The following PIGK variants were observed in gnomAD, a reference collection of about 807,000 sequenced individuals.
The protein encoded by PIGK is GPI-anchor transamidase.
A neutral mutation model predicts 50.6 loss-of-function variants in PIGK; 42 were observed. The ratio of observed to expected loss-of-function variants is 0.83; its 90% CI spans 0.65 to 1.07. PIGK has a LOEUF of 1.07. Ranked by LOEUF, PIGK falls within the 50% of genes least tolerant of loss-of-function variation. The probability of loss-of-function intolerance (pLI) is 0.00; values close to 1 mark genes in which losing one functional copy is unlikely to be tolerated. For synonymous variants in PIGK, 151 were observed against 156.0 expected, an observed-to-expected ratio of 0.97 and a Z score of 0.24; for missense variants, 448 against 488.7, an observed-to-expected ratio of 0.92 and a Z score of 0.78.
Position 77,089,214 on chromosome 1 carries a change from T to C in PIGK, c.*3160A>G, listed in dbSNP as rs1470906239. 6.6e-6 allele frequency: 1 copy of C among 152,184 alleles called. No homozygotes were observed. The highest frequency in any genetic ancestry group is 1.5e-5 in the Non-Finnish European group (1 of 68,034). The allele number at this position is 152,184 out of a possible 1,614,324, so 9.4% of individuals were successfully genotyped here. A position where few individuals can be genotyped will look rare whatever the true frequency, so the allele number is the denominator to read the frequency against. Reference sequence around the variant, plus strand: ...TTCCTATTTAAGTAGCAGGTACATGTGTAAATAGGGCAGGCAGCAACAGAA... The same window carrying C: ...TTCCTATTTAAGTAGCAGGTACATGCGTAAATAGGGCAGGCAGCAACAGAA... On this transcript the variant is annotated 3_prime_UTR_variant, in exon 11 of 11. Coordinates refer to ENST00000370812, the MANE Select transcript of PIGK (RefSeq NM_005482.3).
At chr1:77,121,481 T>G (rs1292942070) in intron 10 of PIGK, among the ~76,000 whole-genome samples, 1 of 152,118 alleles carries the variant, frequency 6.6e-6, no homozygotes, top group Non-Finnish European at 1.5e-5. Context: ...TCAATACATA[T>G]CAGCTAAATA....
At chr1:77,172,242 T>G (rs934005963) in intron 3 of PIGK, among the ~76,000 whole-genome samples, 1 of 152,146 alleles carries the variant, frequency 6.6e-6, no homozygotes, top group Non-Finnish European at 1.5e-5. Context: ...CCTGTAACAA[T>G]GACTGAGTCT....
At chr1:77,111,859 T>C (rs888513106) in intron 10 of PIGK, among the ~76,000 whole-genome samples, 4 of 152,114 alleles carry the variant, frequency 2.6e-5, no homozygotes, top group African/African-American at 9.6e-5. Flanking sequence ...AACACCTTAG[T>C]AAATCAAAAC....
intron 3 of PIGK, among the ~76,000 whole-genome samples, chr1:77,189,598 A>G (rs1024754977): frequency 9.9e-5 from 15 of 151,164 alleles, no homozygotes; most frequent in Non-Finnish European, 4.4e-5. Flanking sequence ...TTGGACTCCA[A>G]GTTTCAGTTT....
intron 9 of PIGK, chr1:77,153,652 G>C (rs1654943205): frequency 6.6e-6 from 1 of 151,760 alleles, no homozygotes; most frequent in Non-Finnish European, 1.5e-5. Context: ...AGAAACTGTT[G>C]TAACTAGAAT....
chr1:77,195,888 A>G (rs1282630332), intron 3 of PIGK, among the ~76,000 whole-genome samples: 3 of 152,098 alleles, frequency 2.0e-5, no homozygotes, highest in South Asian at 2.1e-4. Flanking sequence ...ACATGGGTAT[A>G]TTGTGTAATG....
chr1:77,158,699 C>T (rs1421147204), intron 8 of PIGK, among the ~76,000 whole-genome samples: 2 of 152,004 alleles, frequency 1.3e-5, no homozygotes, highest in Non-Finnish European at 2.9e-5. Flanking sequence ...TGTGGAACTT[C>T]GAAATTGAGG....
chr1:77,112,626 G>GT (rs1293099725), intron 10 of PIGK, among the ~76,000 whole-genome samples: 1 of 151,942 alleles, frequency 6.6e-6, no homozygotes, highest in African/African-American at 2.4e-5. Flanking sequence ...TTATTACGTT[G>GT]TAAGTCAAAA....
chr1:77,145,055 T>G (rs567122639), intron 9 of PIGK, among the ~76,000 whole-genome samples: 1 of 152,076 alleles, frequency 6.6e-6, no homozygotes, highest in South Asian at 2.1e-4. Flanking sequence ...AATTTTTGGT[T>G]CATAAAGTTT....
chr1:77,174,626 C>T (rs1222102908), intron 3 of PIGK, among the ~76,000 whole-genome samples: 1 of 152,140 alleles, frequency 6.6e-6, no homozygotes, highest in Non-Finnish European at 1.5e-5. Flanking sequence ...AGAAAGCATG[C>T]TCTTGGCCAC....
intron 3 of PIGK, among the ~76,000 whole-genome samples, chr1:77,178,621 T>G (rs114792303): frequency 0.013 from 1,932 of 152,286 alleles, 41 homozygotes; most frequent in African/African-American, 0.044. Context: ...GCTCATTCTT[T>G]AATCTATTTG....
At chr1:77,189,311 G>A (rs375745448) in intron 3 of PIGK, among the ~76,000 whole-genome samples, 1 of 152,134 alleles carries the variant, frequency 6.6e-6, no homozygotes, top group African/African-American at 2.4e-5. Flanking sequence ...GTTGACAAGG[G>A]ATAGACTTGT....
At chr1:77,165,562 C>A in intron 5 of PIGK, among the ~76,000 whole-genome samples, 1 of 150,786 alleles carries the variant, frequency 6.6e-6, no homozygotes, top group Admixed American at 6.6e-5. Flanking sequence ...TGATTAACAT[C>A]CATATTTACC....
At chr1:77,176,112 G>T (rs1655483441) in intron 3 of PIGK, among the ~76,000 whole-genome samples, 1 of 152,110 alleles carries the variant, frequency 6.6e-6, no homozygotes, top group Non-Finnish European at 1.5e-5. Context: ...TGAGTAAAAG[G>T]TTTTTGCCTT....
chr1:77,195,595 C>G (rs1170279072), intron 3 of PIGK, among the ~76,000 whole-genome samples: 1 of 152,116 alleles, frequency 6.6e-6, no homozygotes, highest in African/African-American at 2.4e-5. Context: ...TGGAACTTCA[C>G]GGGCTCCAGT....
chr1:77,104,963 G>A (rs1022708476), intron 10 of PIGK, among the ~76,000 whole-genome samples: 2 of 152,172 alleles, frequency 1.3e-5, no homozygotes, highest in Non-Finnish European at 2.9e-5. Flanking sequence ...GCAACGGGGC[G>A]ACTTCCCTCT....
At chr1:77,125,083 T>C (rs1157060579) in intron 9 of PIGK, among the ~76,000 whole-genome samples, 1 of 152,176 alleles carries the variant, frequency 6.6e-6, no homozygotes, top group Non-Finnish European at 1.5e-5. Context: ...CATTGGCTCT[T>C]CCAAAAATCT....
Position 77,205,951 on chromosome 1 carries a change from A to T in PIGK, c.239+689T>A, listed in dbSNP as rs780622218. Among the ~76,000 whole-genome samples, 56 of 152,270 alleles carry T rather than the reference A, an allele frequency of 3.7e-4. 1 individual carries two copies. The Middle Eastern group carries it at 0.017, about 46-fold the overall frequency. On this transcript the variant is annotated intron_variant, in intron 3 of 10. Coordinates refer to ENST00000370812, the MANE Select transcript of PIGK (RefSeq NM_005482.3). Reference sequence around the variant, plus strand: ...ATAGAGGCTAATAATGCCATATACTAGCTCTTCCAGTCACCCTGCAGCACA... The same window carrying T: ...ATAGAGGCTAATAATGCCATATACTTGCTCTTCCAGTCACCCTGCAGCACA...
intron 9 of PIGK, among the ~76,000 whole-genome samples, chr1:77,139,278 G>A (rs1654590797): frequency 2.0e-5 from 3 of 151,692 alleles, no homozygotes; most frequent in Non-Finnish European, 4.4e-5. Context: ...AGCTTCCTCT[G>A]TTGCAAGCCA....
Sources: allele counts gnomAD v4.1 joint callset (sites outside exome capture counted in the v4.1 genomes callset), GRCh38; gene constraint gnomAD v4.1.1; transcripts MANE v1.5; gene names NCBI Gene and HGNC (gene_info 2026-07-23, HGNC 2026-07-21).